The following DLD variants were observed in gnomAD, a reference collection of about 807,000 sequenced individuals.
DLD encodes the protein dihydrolipoamide dehydrogenase, also known as dihydrolipoyl dehydrogenase, mitochondrial.
In DLD, 36 loss-of-function variants were observed where a neutral mutation model predicts 62.2. The ratio of observed to expected loss-of-function variants is 0.58; its 90% CI spans 0.44 to 0.76. DLD has a LOEUF of 0.76. Among genes scored for constraint, DLD ranks in the 30% least tolerant of loss-of-function variants. The pLI, the probability that DLD is intolerant of heterozygous loss-of-function variation, is 0.00. For synonymous variants in DLD, 204 were observed against 199.6 expected (o/e 1.02, Z -0.19); for missense variants, 541 against 608.6 (o/e 0.89, Z 1.17).
rs190908520 is a variant in DLD, at chr7:107,916,541, G to A, written c.876-253G>A. ...ACAAAAATTAGCTGGGCGTGGTGGCGCGTGCCTGTAGTCCCAGCTACTAGG... is the reference window on the plus strand; with the variant it reads ...ACAAAAATTAGCTGGGCGTGGTGGCACGTGCCTGTAGTCCCAGCTACTAGG... On this transcript the variant is annotated intron_variant, in intron 9 of 13. Coordinates refer to ENST00000205402, the MANE Select transcript of DLD (RefSeq NM_000108.5). Among the ~76,000 whole-genome samples, 1,425 of 151,988 alleles carry A rather than the reference G, an allele frequency of 9.4e-3. 20 individuals carry two copies. Among genetic ancestry groups the A allele is most frequent in the African/African-American group, 0.032 (1,320 of 41,454 alleles).
chr7:107,901,297 G>A (rs1322527063), intron 2 of DLD, among the ~76,000 whole-genome samples: 5 of 152,080 alleles, frequency 3.3e-5, no homozygotes, highest in African/African-American at 9.7e-5. Flanking sequence ...TTACAGAAAG[G>A]TTAAGTCATT....
At position 107,891,604 on chromosome 7, in the gene DLD, T is replaced by C. The variant is rs943495163; in HGVS notation, c.39+315T>C. On this transcript the variant is annotated intron_variant, in intron 1 of 13. Coordinates refer to ENST00000205402, the MANE Select transcript of DLD (RefSeq NM_000108.5). ...CCCGGTCACACATAGGCCTCTACCT[T>C]GGAGGAAGTGTAAGCCACCCATGTC... 1.3e-5 allele frequency: 7 copies of C among 540,450 alleles called. No homozygotes were observed. The Admixed American group carries it at 2.2e-4, about 17-fold the overall frequency. The allele number at this position is 540,450 out of a possible 1,614,324, so 33.5% of individuals were successfully genotyped here.
intron 8 of DLD, among the ~76,000 whole-genome samples, chr7:107,914,156 C>A (rs530978795): frequency 1.3e-5 from 2 of 152,038 alleles, no homozygotes; most frequent in Non-Finnish European, 2.9e-5. Context: ...TAATGACTTA[C>A]GGGGTTGAGC....
rs970435764 is a variant in DLD, at chr7:107,920,788, G to A, written c.*1529G>A. The stretch of plus-strand genomic sequence containing the variant: ...CCGTTAAAAATGAGACATTGAGCCA[G>A]TGCTGTTCACTTTTTAAGTGCCAAC... On this transcript the variant is annotated 3_prime_UTR_variant, in exon 14 of 14. Transcript: ENST00000205402. 2.0e-5 allele frequency: 3 copies of A among 152,240 alleles called. No individual in the cohort carries two copies. The allele number at this position is 152,240 out of a possible 1,614,324, so 9.4% of individuals were successfully genotyped here.
At chr7:107,905,223 C>T in intron 6 of DLD, 138 bp from the exon 7 acceptor site, 1 of 1,072,834 alleles carries the variant, frequency 9.3e-7, no homozygotes. Context: ...GATTTTTTTG[C>T]TGCACCATGG....
In DLD at chr7:107,917,410, C is replaced by T; in HGVS notation, c.1184C>T (p.Thr395Ile). 7 of 1,614,134 alleles carry T rather than the reference C, an allele frequency of 4.3e-6. No individual in the cohort carries two copies. Among genetic ancestry groups the T allele is most frequent in the Non-Finnish European group, 5.9e-6 (7 of 1,180,016 alleles). ...AATTGTGTGCCATCAGTGATTTACACACACCCTGAAGTTGCTTGGGTTGGC... is the reference window on the plus strand; with the variant it reads ...AATTGTGTGCCATCAGTGATTTACATACACCCTGAAGTTGCTTGGGTTGGC... ...DYNCVPSVIY[T>I]HPEVAWVGKS... Residue 395 changes from threonine to isoleucine, a missense_variant, in exon 11 of 14, where the codon ACA (threonine) becomes ATA (isoleucine). Coordinates refer to ENST00000205402, the MANE Select transcript of DLD (RefSeq NM_000108.5).
chr7:107,920,776 G>A lies in DLD; in HGVS notation c.*1517G>A, dbSNP rs1280837475. 3.3e-5 allele frequency: 5 copies of A among 152,192 alleles called. No individual in the cohort carries two copies. The highest frequency in any genetic ancestry group is 6.5e-5 in the Admixed American group (1 of 15,278). 9.4% of individuals were successfully genotyped at this position (152,192 alleles called of 1,614,324 possible). A position where few individuals can be genotyped will look rare whatever the true frequency, so the allele number is the denominator to read the frequency against. On this transcript the variant is annotated 3_prime_UTR_variant, in exon 14 of 14. Coordinates refer to ENST00000205402, the MANE Select transcript of DLD (RefSeq NM_000108.5). ...TCAAGTGAGAACCCGTTAAAAATGA[G>A]ACATTGAGCCAGTGCTGTTCACTTT... is the stretch of plus-strand genomic sequence containing the variant.
At chr7:107,902,144 G>T (rs2031891184) in intron 3 of DLD, among the ~76,000 whole-genome samples, 181 bp from the exon 4 acceptor site, 1 of 151,728 alleles carries the variant, frequency 6.6e-6, no homozygotes, top group Non-Finnish European at 1.5e-5. Context: ...TCACTTTTGG[G>T]TCAGCCCAAA....
intron 2 of DLD, 137 bp downstream of exon 2, chr7:107,893,415 G>A (rs772748089): frequency 1.4e-4 from 94 of 680,964 alleles, no homozygotes; most frequent in Non-Finnish European, 2.0e-4. Flanking sequence ...TTATTCGTTT[G>A]AATGTATATT....
At chr7:107,917,665 T>C (rs1301921663) in intron 11 of DLD, among the ~76,000 whole-genome samples, 1 of 152,244 alleles carries the variant, frequency 6.6e-6, no homozygotes, top group Non-Finnish European at 1.5e-5. Flanking sequence ...AGAAGTTGCC[T>C]ATATTAAAAA....
At chr7:107,897,400 TGTGTA>T in intron 2 of DLD, among the ~76,000 whole-genome samples, 1 of 152,112 alleles carries the variant, frequency 6.6e-6, no homozygotes. Flanking sequence ...ACTTACTAGT[TGTGTA>T]GCCTTATGCA....
chr7:107,896,707 C>T (rs2031733664), intron 2 of DLD, among the ~76,000 whole-genome samples: 2 of 152,186 alleles, frequency 1.3e-5, no homozygotes, highest in South Asian at 4.1e-4. Context: ...CCTTACCCCT[C>T]AACAAAATGT....
chr7:107,918,865 A>T, intron 12 of DLD, 145 bp from the exon 13 acceptor site: 1 of 735,594 alleles, frequency 1.4e-6, no homozygotes, highest in Non-Finnish European at 2.4e-6. Flanking sequence ...CTTTTCTATT[A>T]AGCTTTTCCT....
At position 107,914,813 on chromosome 7, in the gene DLD, T is replaced by C. The variant is rs182415728; in HGVS notation, c.685-693T>C. 2.0e-4 allele frequency among the ~76,000 whole-genome samples: 30 copies of C among 152,352 alleles called. No homozygotes were observed. The East Asian group carries it at 4.4e-3, about 22-fold the overall frequency. ...TTAATATATAATTATTTAGAAGTTA[T>C]ACTAATTGTCAAAATGTTAAAATAA... On this transcript the variant is annotated intron_variant, in intron 8 of 13. Transcript: ENST00000205402.
At chr7:107,913,760 G>T (rs1292524927) in intron 8 of DLD, among the ~76,000 whole-genome samples, 1 of 152,026 alleles carries the variant, frequency 6.6e-6, no homozygotes, top group Non-Finnish European at 1.5e-5. Flanking sequence ...AGGACTTCCA[G>T]TACTATGTTG....
At chr7:107,917,060 G>C (rs2032288579) in intron 10 of DLD, 96 bp downstream of exon 10, 1 of 1,326,924 alleles carries the variant, frequency 7.5e-7, no homozygotes, top group African/African-American at 1.5e-5. Flanking sequence ...ATATGTATTG[G>C]CTTTGGGGAA....
intron 8 of DLD, among the ~76,000 whole-genome samples, chr7:107,909,393 C>T (rs2032085323): frequency 1.3e-5 from 2 of 152,214 alleles, no homozygotes; most frequent in South Asian, 4.1e-4. Context: ...TCATTCACGT[C>T]ATTAGTACAA....
Position 107,920,822 on chromosome 7 carries a change from A to T in DLD, c.*1563A>T, listed in dbSNP as rs900170140. 1 of 152,124 alleles carries T rather than the reference A, an allele frequency of 6.6e-6. No homozygotes were observed. Among genetic ancestry groups the T allele is most frequent in the African/African-American group, 2.4e-5 (1 of 41,426 alleles). 9.4% of individuals were successfully genotyped at this position (152,124 alleles called of 1,614,324 possible). Reference sequence around the variant, plus strand: ...ACTTTTTAAGTGCCAACTTCCCTCTACTTTCCACTTGTTTATAGTTGTTTC... The same window carrying T: ...ACTTTTTAAGTGCCAACTTCCCTCTTCTTTCCACTTGTTTATAGTTGTTTC... On this transcript the variant is annotated 3_prime_UTR_variant, in exon 14 of 14. Transcript: ENST00000205402.
At position 107,908,837 on chromosome 7, in the gene DLD, G is replaced by A. The variant is rs2032071825; in HGVS notation, c.684+2469G>A. Among the ~76,000 whole-genome samples, 4 of 151,898 alleles carry A rather than the reference G, an allele frequency of 2.6e-5. No homozygotes were observed. The South Asian group carries it at 8.3e-4, about 32-fold the overall frequency. On this transcript the variant is annotated intron_variant, in intron 8 of 13. Coordinates refer to ENST00000205402, the MANE Select transcript of DLD (RefSeq NM_000108.5). Reference sequence around the variant, plus strand: ...AATACATTGCATTTGTTTGTCTATGGCTGACTTTCCTATAAGACCAAAGCT... The same window carrying A: ...AATACATTGCATTTGTTTGTCTATGACTGACTTTCCTATAAGACCAAAGCT...
Sources: allele counts gnomAD v4.1 joint callset (sites outside exome capture counted in the v4.1 genomes callset), GRCh38; gene constraint gnomAD v4.1.1; transcripts MANE v1.5; gene names NCBI Gene and HGNC (gene_info 2026-07-23, HGNC 2026-07-21).